The following CD151 variants were observed in gnomAD, a reference collection of about 807,000 sequenced individuals.
CD151 encodes CD151 molecule (Raph blood group).
Under a neutral mutation model 34.2 loss-of-function variants are expected in CD151, and 20 were observed. The observed-to-expected ratio is 0.58, with a 90% CI of 0.41 to 0.85. The LOEUF (loss-of-function observed/expected upper bound fraction) is 0.85. Among genes scored for constraint, CD151 ranks in the 40% least tolerant of loss-of-function variants. The probability of loss-of-function intolerance (pLI) is 0.00; values close to 1 mark genes in which losing one functional copy is unlikely to be tolerated. For missense variants in CD151, 306 were observed against 324.5 expected (o/e 0.94, Z 0.44); for synonymous variants, 157 against 131.7 (o/e 1.19, Z -1.32).
rs542471091 is a variant in CD151, at chr11:838,580, A to G, written c.*388A>G. On this transcript the variant is annotated 3_prime_UTR_variant, in exon 9 of 9. Transcript: ENST00000397420. ...CACATGGCCCCATCCCAGTTGGGGA[A>G]GCCAGGTGAGCTCTGACCCTTGGGC... The G allele has an allele frequency of 4.4e-5, 14 of 317,586 alleles. No individual in the cohort carries two copies. In the South Asian group the frequency reaches 4.5e-4, roughly 10 times the overall value. 19.7% of individuals were successfully genotyped at this position (317,586 alleles called of 1,614,324 possible).
chr11:836,173 C>T lies in CD151; in HGVS notation c.84+20C>T, dbSNP rs774633764. ...TTCTGGGTGAGGAGGGGTCGCCTTGCCCCCACCCCCACCCCCACCCCTCCC... is the reference window on the plus strand; with the variant it reads ...TTCTGGGTGAGGAGGGGTCGCCTTGTCCCCACCCCCACCCCCACCCCTCCC... On this transcript the variant is annotated intron_variant, in intron 3 of 8. Coordinates refer to ENST00000397420, the MANE Select transcript of CD151 (RefSeq NM_004357.5). 2 of 1,028,382 alleles carry T rather than the reference C, an allele frequency of 1.9e-6. No individual in the cohort carries two copies. Among genetic ancestry groups the T allele is most frequent in the East Asian group, 5.4e-5 (2 of 37,210 alleles). 63.7% of individuals were successfully genotyped at this position (1,028,382 alleles called of 1,614,324 possible).
chr11:833,485 G>A (rs918125175), intron 1 of CD151, among the ~76,000 whole-genome samples: 1 of 152,250 alleles, frequency 6.6e-6, no homozygotes, highest in Non-Finnish European at 1.5e-5. Flanking sequence ...TCATTGCAGT[G>A]CCCCGGGGAC....
intron 2 of CD151, chr11:835,795 C>T (rs1846740973): frequency 4.9e-6 from 2 of 404,184 alleles, no homozygotes; most frequent in Non-Finnish European, 9.2e-6. Context: ...TCACGCCATT[C>T]TCCTGCCTCA....
chr11:835,933 T>C lies in CD151; in HGVS notation c.-7-130T>C, dbSNP rs1188428628. 25 of 661,788 alleles carry C rather than the reference T, an allele frequency of 3.8e-5. No individual in the cohort carries two copies. In the East Asian group the frequency reaches 6.3e-4, roughly 17 times the overall value. 41.0% of individuals were successfully genotyped at this position (661,788 alleles called of 1,614,324 possible). On this transcript the variant is annotated intron_variant, in intron 2 of 8. Transcript: ENST00000397420. ...TGATCTCCTGACCTTGTGATCTGCC[T>C]GCCTTGGCCCCCCAAAGTGCTGGGA...
chr11:835,867 C>T (rs1258391166), intron 2 of CD151, 196 bp from the exon 3 acceptor site: 4 of 548,644 alleles, frequency 7.3e-6, no homozygotes, highest in South Asian at 6.0e-5. Context: ...TTTTGTATTT[C>T]TAGTACAGAC....
Position 837,236 on chromosome 11 carries a change from C to T in CD151, c.352-14C>T. ...CTTAGACTGAGGCTGAAGTTTCCTGCACCCCAACCCCAGCTGAACACGGAG... is the reference window on the plus strand; with the variant it reads ...CTTAGACTGAGGCTGAAGTTTCCTGTACCCCAACCCCAGCTGAACACGGAG... On this transcript the variant is annotated splice_polypyrimidine_tract_variant and intron_variant, in intron 5 of 8. Coordinates refer to ENST00000397420, the MANE Select transcript of CD151 (RefSeq NM_004357.5). 6.2e-7 allele frequency: 1 copy of T among 1,605,214 alleles called. No homozygotes were observed. The highest frequency in any genetic ancestry group is 8.5e-7 in the Non-Finnish European group (1 of 1,172,770).
Position 838,045 on chromosome 11 carries a change from G to A in CD151, c.702+17G>A. 1 of 1,611,646 alleles carries A rather than the reference G, an allele frequency of 6.2e-7. No homozygotes were observed. Among genetic ancestry groups the A allele is most frequent in the Non-Finnish European group, 8.5e-7 (1 of 1,178,170 alleles). On this transcript the variant is annotated intron_variant, in intron 8 of 8. Coordinates refer to ENST00000397420, the MANE Select transcript of CD151 (RefSeq NM_004357.5). Reference sequence around the variant, plus strand: ...TGTGTGCAGGTGAGGGCACATGGGGGTGGCGGTCATCTTGTTGGGGACACG... The same window carrying A: ...TGTGTGCAGGTGAGGGCACATGGGGATGGCGGTCATCTTGTTGGGGACACG...
chr11:834,119 GAGGCCA>G (rs1846663940), intron 1 of CD151: 1 of 152,204 alleles, frequency 6.6e-6, no homozygotes, highest in South Asian at 2.1e-4. Flanking sequence ...TCTGCCTTGG[GAGGCCA>G]AGGCGGGTGG....
chr11:833,559 C>T (rs1264965979), intron 1 of CD151, among the ~76,000 whole-genome samples: 3 of 152,220 alleles, frequency 2.0e-5, no homozygotes, highest in Non-Finnish European at 2.9e-5. Flanking sequence ...GCGCGGGCCG[C>T]CCAGGGGCCT....
At chr11:834,405 A>G (rs1590207801) in intron 1 of CD151, 125 bp from the exon 2 acceptor site, 1 of 152,158 alleles carries the variant, frequency 6.6e-6, no homozygotes, top group Non-Finnish European at 1.5e-5. Flanking sequence ...GCCTTGCCCC[A>G]CCCTAGCCCA....
In CD151 at chr11:833,014, G is replaced by C. The variant is rs1262661462; in HGVS notation, c.-82G>C. The C allele has an allele frequency of 8.8e-6, 1 of 113,962 alleles. No homozygotes were observed. The highest frequency in any genetic ancestry group is 2.8e-4 in the East Asian group (1 of 3,540). 7.1% of individuals were successfully genotyped at this position (113,962 alleles called of 1,614,324 possible). A position where few individuals can be genotyped will look rare whatever the true frequency, so the allele number is the denominator to read the frequency against. ...GCCGCCGCCGCCAGGGCCCGGACTC[G>C]GACGCGTGGTAGGTGAGTGCGCGGC... On this transcript the variant is annotated 5_prime_UTR_variant, in exon 1 of 9. Transcript: ENST00000397420.
At position 837,600 on chromosome 11, in the gene CD151, C is replaced by T; in HGVS notation, c.597C>T (p.Ser199=). Residue 199 remains serine, a synonymous_variant, in exon 7 of 9, where the codon TCC becomes TCT. Transcript: ENST00000397420. The part of the protein sequence containing the change: ...VALCGQRDHA[S]NIYKVEGGCI... ...TTTGTGGGCAGCGAGACCATGCCTC[C>T]AACATCTACAAGGTGGAGGTGGGTG... The T allele has an allele frequency of 6.2e-7, 1 of 1,612,396 alleles. No individual in the cohort carries two copies. The highest frequency in any genetic ancestry group is 2.2e-5 in the East Asian group (1 of 44,850).
chr11:836,003 C>T (rs1036148388), intron 2 of CD151, 60 bp from the exon 3 acceptor site: 8 of 999,852 alleles, frequency 8.0e-6, no homozygotes, highest in African/African-American at 1.6e-5. Flanking sequence ...CCCCTCCTAT[C>T]CGTCTCCCAG....
chr11:833,234 T>A (rs1846601175), intron 1 of CD151, among the ~76,000 whole-genome samples: 1 of 149,428 alleles, frequency 6.7e-6, no homozygotes, highest in Non-Finnish European at 1.5e-5. Context: ...TCGCCTGCCC[T>A]TCCGCGGGAG....
In CD151 at chr11:836,098, CAT is replaced by C; in HGVS notation, c.30_31del (p.Cys11TrpfsTer36). ...GGTGAGTTCAACGAGAAGAAGACAA[CAT>C]GTGGCACCGTTTGCCTCAAGTACCT... is the stretch of plus-strand genomic sequence containing the variant. On this transcript the variant is annotated frameshift_variant, in exon 3 of 9. Coordinates refer to ENST00000397420, the MANE Select transcript of CD151 (RefSeq NM_004357.5). LOFTEE classifies it high-confidence loss of function. 6.2e-7 allele frequency: 1 copy of C among 1,612,884 alleles called. No individual in the cohort carries two copies. Among genetic ancestry groups the C allele is most frequent in the Non-Finnish European group, 8.5e-7 (1 of 1,179,764 alleles).
Position 836,341 on chromosome 11 carries a change from G to A in CD151, c.175G>A (p.Ala59Thr), listed in dbSNP as rs763769216. ...CCTGCTGGCCTCAGGCACCTACCTG[G>A]CCACAGCCTACATCCTGGTGGTGGC... Reference protein sequence around the residue: ...ISLLASGTYLATAYILVVAGT... With the variant: ...ISLLASGTYLTTAYILVVAGT... The change falls in exon 4 of 9, where the codon GCC (alanine) becomes ACC (threonine). Residue 59 changes from alanine to threonine, a missense_variant. Physicochemically the swap from Ala to Thr is moderately conservative, Grantham distance 58. Transcript: ENST00000397420. 2 of 1,612,740 alleles carry A rather than the reference G, an allele frequency of 1.2e-6. No homozygotes were observed. Among genetic ancestry groups the A allele is most frequent in the Admixed American group, 3.3e-5 (2 of 60,016 alleles).
At chr11:835,024 A>G (rs1846696680) in intron 2 of CD151, 1 of 152,260 alleles carries the variant, frequency 6.6e-6, no homozygotes, top group Non-Finnish European at 1.5e-5. Flanking sequence ...CTGCAGGCCC[A>G]TAGGCTCCTG....
chr11:837,366 G>A lies in CD151; in HGVS notation c.456+12G>A. The A allele has an allele frequency of 6.2e-7, 1 of 1,611,568 alleles. No individual in the cohort carries two copies. Among genetic ancestry groups the A allele is most frequent in the African/African-American group, 1.3e-5 (1 of 74,996 alleles). ...AGCTGCAGCAGGAGGTGGGTGGGTG[G>A]TGCTGGGAGGGCGCGTGCATCCCCA... On this transcript the variant is annotated intron_variant, in intron 6 of 8. Coordinates refer to ENST00000397420, the MANE Select transcript of CD151 (RefSeq NM_004357.5).
intron 5 of CD151, 72 bp from the exon 6 acceptor site, chr11:837,178 T>G: frequency 7.6e-7 from 1 of 1,312,106 alleles, no homozygotes; most frequent in Non-Finnish European, 1.1e-6. Context: ...CCACCGGCCA[T>G]CCTGGGGCTC....
Sources: allele counts gnomAD v4.1 joint callset (sites outside exome capture counted in the v4.1 genomes callset), GRCh38; gene constraint gnomAD v4.1.1; transcripts MANE v1.5; gene names NCBI Gene and HGNC (gene_info 2026-07-23, HGNC 2026-07-21).